TUT4: variants seen among roughly 807,000 people sequenced by gnomAD.
The protein encoded by TUT4 is terminal uridylyltransferase 4.
TUT4 carries 36 observed loss-of-function variants against 192.2 expected under a neutral mutation model. The ratio of observed to expected loss-of-function variants is 0.19; its 90% CI spans 0.14 to 0.25. The LOEUF (loss-of-function observed/expected upper bound fraction) is 0.25. TUT4 is among the 10% of genes least tolerant of loss of function. TUT4 has a pLI of 1.00. For missense variants in TUT4, 1,493 were observed against 1,957.2 expected (o/e 0.76, Z 4.47); for synonymous variants, 618 against 666.0 (o/e 0.93, Z 1.11).
At chr1:52,455,506 G>A (rs1419263866) in intron 20 of TUT4, among the ~76,000 whole-genome samples, 1 of 150,956 alleles carries the variant, frequency 6.6e-6, no homozygotes, top group Non-Finnish European at 1.5e-5. Flanking sequence ...CTATTCAGGA[G>A]GCTGAGGTGG....
chr1:52,474,219 A>G (rs1338337934), intron 13 of TUT4, among the ~76,000 whole-genome samples: 2 of 152,238 alleles, frequency 1.3e-5, no homozygotes, highest in Admixed American at 1.3e-4. Flanking sequence ...AAATAATAGT[A>G]GTAATAAGTT....
chr1:52,516,655 A>G lies in TUT4; in HGVS notation c.719-601T>C, dbSNP rs764909049. 1.6e-3 allele frequency among the ~76,000 whole-genome samples: 248 copies of G among 152,208 alleles called. 1 individual carries two copies. The highest frequency in any genetic ancestry group is 2.9e-3 in the Non-Finnish European group (194 of 68,034). Reference sequence around the variant, plus strand: ...ATCTAGCAGTATGTATCTAACCTACAGTAGGTTCTCCCACCAGCGCGATTT... The same window carrying G: ...ATCTAGCAGTATGTATCTAACCTACGGTAGGTTCTCCCACCAGCGCGATTT... On this transcript the variant is annotated intron_variant, in intron 2 of 29. Coordinates refer to ENST00000257177, the MANE Select transcript of TUT4 (RefSeq NM_001009881.3).
Position 52,493,802 on chromosome 1 carries a change from GT to G in TUT4, c.1267-141del, listed in dbSNP as rs933451657. The stretch of plus-strand genomic sequence containing the variant: ...TTTTAAATAGTGAAAACAGAATCGT[GT>G]TTTTTTTTTGTTTTTTTTTGAGATG... On this transcript the variant is annotated intron_variant, in intron 6 of 29. Transcript: ENST00000257177. 3.1e-3 allele frequency: 1,617 copies of G among 529,756 alleles called. 4 individuals carry two copies. The highest frequency in any genetic ancestry group is 0.016 in the African/African-American group (755 of 48,378). The allele number at this position is 529,756 out of a possible 1,614,324, so 32.8% of individuals were successfully genotyped here.
intron 24 of TUT4, among the ~76,000 whole-genome samples, chr1:52,442,167 C>CAA (rs58552556): frequency 6.5e-5 from 5 of 76,356 alleles, no homozygotes; most frequent in Non-Finnish European, 1.0e-4. Context: ...GACTCCACCT[C>CAA]AAAAAAAAAA....
intron 2 of TUT4, among the ~76,000 whole-genome samples, chr1:52,522,132 C>T (rs1680455890): frequency 6.6e-6 from 1 of 152,056 alleles, no homozygotes; most frequent in Non-Finnish European, 1.5e-5. Context: ...AAGGCTAATA[C>T]TATACATATC....
intron 1 of TUT4, among the ~76,000 whole-genome samples, chr1:52,545,378 CAAA>C (rs1269542752): frequency 7.1e-5 from 5 of 70,746 alleles, no homozygotes; most frequent in Admixed American, 1.7e-4. Context: ...GACTCTGTCT[CAAA>C]AAAAAAAAAA....
At chr1:52,537,109 G>A (rs550242189) in intron 1 of TUT4, among the ~76,000 whole-genome samples, 6 of 152,224 alleles carry the variant, frequency 3.9e-5, no homozygotes, top group East Asian at 3.9e-4. Context: ...GCAGTGGGCC[G>A]AGATTGTGCC....
In TUT4 at chr1:52,431,280, G is replaced by A. The variant is rs1651981418; in HGVS notation, c.4444C>T (p.Pro1482Ser). Residue 1482 changes from proline to serine, a missense_variant, in exon 28 of 30, where the codon CCA (proline) becomes TCA (serine). This residue lies in a region of TUT4 where 351 missense variants were observed against 397.8 expected (regional missense o/e 0.88). Transcript: ENST00000257177. Reference protein sequence around the residue: ...MPLYNFPQSPPAQYSPMHNMG... With the variant: ...MPLYNFPQSPSAQYSPMHNMG... The stretch of plus-strand genomic sequence containing the variant: ...TTGTGCATGGGAGAATACTGAGCTG[G>A]TGGTGACTGGGGAAAGTTATACAGT... 1.2e-6 allele frequency: 2 copies of A among 1,614,196 alleles called. No homozygotes were observed. Among genetic ancestry groups the A allele is most frequent in the Non-Finnish European group, 1.7e-6 (2 of 1,180,034 alleles).
In TUT4 at chr1:52,438,339, G is replaced by C. The variant is rs1447288353; in HGVS notation, c.3823-4C>G. 4.4e-6 allele frequency: 7 copies of C among 1,595,696 alleles called. No individual in the cohort carries two copies. The highest frequency in any genetic ancestry group is 6.0e-6 in the Non-Finnish European group (7 of 1,171,756). ...CTCTGGAATCAAAGAAGTACTCCTA[G>C]GGAGAAAATGCAATTTTACTAGGAG... On this transcript the variant is annotated splice_polypyrimidine_tract_variant and splice_region_variant and intron_variant, in intron 24 of 29. Coordinates refer to ENST00000257177, the MANE Select transcript of TUT4 (RefSeq NM_001009881.3).
chr1:52,445,620 T>C (rs1657316703), intron 24 of TUT4, among the ~76,000 whole-genome samples, 167 bp downstream of exon 24: 1 of 152,156 alleles, frequency 6.6e-6, no homozygotes, highest in Non-Finnish European at 1.5e-5. Flanking sequence ...AAATAAAATT[T>C]TGAAAATATA....
chr1:52,433,672 A>AT (rs372128003), intron 27 of TUT4: 3 of 152,210 alleles, frequency 2.0e-5, no homozygotes, highest in African/African-American at 7.2e-5. Flanking sequence ...TGGTTAGAGC[A>AT]TAAGTTTTGC....
chr1:52,511,079 G>C (rs1677024454), intron 3 of TUT4, among the ~76,000 whole-genome samples: 1 of 152,260 alleles, frequency 6.6e-6, no homozygotes, highest in Middle Eastern at 3.4e-3. Context: ...TCTTTTAAAT[G>C]AGAAACTTGC....
At chr1:52,550,702 T>C (rs61324757) in intron 1 of TUT4, among the ~76,000 whole-genome samples, 53,330 of 151,684 alleles carry the variant, frequency 0.35, 12,996 homozygotes, top group African/African-American at 0.7. Context: ...ACTATGCTGC[T>C]CAGACTGATA....
chr1:52,423,653 A>T lies in TUT4; in HGVS notation c.*282T>A. On this transcript the variant is annotated 3_prime_UTR_variant, in exon 30 of 30. Transcript: ENST00000257177. Reference sequence around the variant, plus strand: ...ATAAAATTCCCTTAAAAATAGGGTAATAAAATAGATGAAATTTGTATCACT... The same window carrying T: ...ATAAAATTCCCTTAAAAATAGGGTATTAAAATAGATGAAATTTGTATCACT... The T allele has an allele frequency of 1.9e-6, 1 of 516,654 alleles. No homozygotes were observed. The highest frequency in any genetic ancestry group is 3.2e-6 in the Non-Finnish European group (1 of 307,904). The allele number at this position is 516,654 out of a possible 1,614,324, so 32.0% of individuals were successfully genotyped here. A position where few individuals can be genotyped will look rare whatever the true frequency, so the allele number is the denominator to read the frequency against.
chr1:52,528,524 A>C (rs1008704553), intron 1 of TUT4, among the ~76,000 whole-genome samples: 1 of 152,106 alleles, frequency 6.6e-6, no homozygotes, highest in Non-Finnish European at 1.5e-5. Context: ...TTATTAAAAA[A>C]TCAGGATGTT....
intron 27 of TUT4, 116 bp from the exon 28 acceptor site, chr1:52,431,576 A>T: frequency 1.2e-6 from 1 of 805,506 alleles, no homozygotes; most frequent in Non-Finnish European, 1.8e-6. Context: ...GATGTATATC[A>T]TAACAAATAA....
At chr1:52,505,449 T>C (rs532505206) in intron 4 of TUT4, among the ~76,000 whole-genome samples, 1 of 135,034 alleles carries the variant, frequency 7.4e-6, no homozygotes, top group Non-Finnish European at 1.5e-5. Context: ...TGAGACAGAG[T>C]ATCACTCTGC....
chr1:52,544,553 T>C (rs1687582528), intron 1 of TUT4, among the ~76,000 whole-genome samples: 1 of 152,074 alleles, frequency 6.6e-6, no homozygotes, highest in Non-Finnish European at 1.5e-5. Flanking sequence ...CTAAGAAACC[T>C]AAACTTGTAA....
At chr1:52,494,942 G>A (rs1438561644) in intron 6 of TUT4, among the ~76,000 whole-genome samples, 1 of 151,570 alleles carries the variant, frequency 6.6e-6, no homozygotes, top group African/African-American at 2.4e-5. Context: ...AATGATTCTA[G>A]GTACTACTTA....
Sources: allele counts gnomAD v4.1 joint callset (sites outside exome capture counted in the v4.1 genomes callset), GRCh38; gene constraint gnomAD v4.1.1; regional missense constraint gnomAD v4.1.1; transcripts MANE v1.5; gene names NCBI Gene and HGNC (gene_info 2026-07-23, HGNC 2026-07-21).